PDHX: variants seen among roughly 807,000 people sequenced by gnomAD.
PDHX encodes the protein pyruvate dehydrogenase protein X component, mitochondrial.
Under a neutral mutation model 55.3 loss-of-function variants are expected in PDHX, and 33 were observed. The ratio of observed to expected loss-of-function variants is 0.60; its 90% CI spans 0.45 to 0.80. The LOEUF (loss-of-function observed/expected upper bound fraction) is 0.80. Ranked by LOEUF, PDHX falls within the 30% of genes least tolerant of loss-of-function variation. The probability of loss-of-function intolerance (pLI) is 0.00; values close to 1 mark genes in which losing one functional copy is unlikely to be tolerated. For synonymous variants in PDHX, 226 were observed against 219.4 expected (o/e 1.03, Z -0.27); for missense variants, 622 against 619.9 (o/e 1.00, Z -0.04).
At chr11:34,937,543 G>A (rs1237190268) in intron 2 of PDHX, among the ~76,000 whole-genome samples, 1 of 151,356 alleles carries the variant, frequency 6.6e-6, no homozygotes, top group Non-Finnish European at 1.5e-5. Context: ...AAATGCATAT[G>A]AGGCATTCAA....
intron 4 of PDHX, among the ~76,000 whole-genome samples, chr11:34,957,802 C>T (rs1451702010): frequency 1.3e-5 from 2 of 151,828 alleles, no homozygotes; most frequent in African/African-American, 4.8e-5. Flanking sequence ...TCCAGGTACT[C>T]TAAAAGCCCT....
intron 2 of PDHX, among the ~76,000 whole-genome samples, chr11:34,937,757 C>T (rs1175500165): frequency 1.3e-5 from 2 of 152,154 alleles, no homozygotes; most frequent in African/African-American, 4.8e-5. Flanking sequence ...ATAGAACTTG[C>T]ATTTTCTGGG....
upstream of PDHX, chr11:34,916,400 CG>C: frequency 6.6e-7 from 1 of 1,516,354 alleles, no homozygotes; most frequent in Non-Finnish European, 8.9e-7. Flanking sequence ...GAGGGCAGCC[CG>C]GGGGCGGGGC....
chr11:34,973,765 A>G (rs1855304126), intron 7 of PDHX, among the ~76,000 whole-genome samples: 1 of 152,136 alleles, frequency 6.6e-6, no homozygotes, highest in East Asian at 1.9e-4. Flanking sequence ...ATACATGTTT[A>G]ATGTTTTTTG....
chr11:34,916,744 AG>A lies in PDHX; in HGVS notation c.94del (p.Ala32LeufsTer6). 6.2e-7 allele frequency: 1 copy of A among 1,613,146 alleles called. No individual in the cohort carries two copies. Among genetic ancestry groups the A allele is most frequent in the Non-Finnish European group, 8.5e-7 (1 of 1,179,776 alleles). On this transcript the variant is annotated frameshift_variant, in exon 1 of 11. Coordinates refer to ENST00000227868, the MANE Select transcript of PDHX (RefSeq NM_003477.3). LOFTEE classifies it high-confidence loss of function. Reference protein sequence around the residue: ...FPGRRSVGLVKGALGWSVSRG... With the variant: ...FPGRRSVGLVXGALGWSVSRG... ...GGCCGCCGAAGCGTAGGGCTGGTGA[AG>A]GGGGCTCTTGGGTGGTCTGTAAGCC...
chr11:34,962,257 A>G (rs1290091375), intron 5 of PDHX, among the ~76,000 whole-genome samples: 1 of 152,232 alleles, frequency 6.6e-6, no homozygotes, highest in Non-Finnish European at 1.5e-5. Context: ...TAATCCATGT[A>G]AGAGGTAATG....
chr11:34,995,387 A>G lies in PDHX; in HGVS notation c.*215A>G, dbSNP rs1179205196. On this transcript the variant is annotated 3_prime_UTR_variant, in exon 11 of 11. Transcript: ENST00000227868. The stretch of plus-strand genomic sequence containing the variant: ...TGATAAACTCTAACTAATAAAGGAA[A>G]GAGAATATTTGGTTACTCAGATCCA... The G allele has an allele frequency of 1.9e-6, 1 of 528,412 alleles. No homozygotes were observed. Among genetic ancestry groups the G allele is most frequent in the African/African-American group, 1.9e-5 (1 of 52,238 alleles). 32.7% of individuals were successfully genotyped at this position (528,412 alleles called of 1,614,324 possible). A position where few individuals can be genotyped will look rare whatever the true frequency, so the allele number is the denominator to read the frequency against.
intron 8 of PDHX, among the ~76,000 whole-genome samples, chr11:34,979,943 G>GT (rs1411005188): frequency 3.4e-5 from 5 of 149,002 alleles, no homozygotes; most frequent in South Asian, 2.1e-4. Flanking sequence ...ATATTTTCTA[G>GT]TTTCATAGAA....
At chr11:34,923,635 TC>T (rs11347782) in intron 1 of PDHX, among the ~76,000 whole-genome samples, 28,770 of 152,090 alleles carry the variant, frequency 0.19, 3,885 homozygotes, top group African/African-American at 0.39. Context: ...TTTCCAGTGT[TC>T]CATCAGGTAG....
At position 34,994,976 on chromosome 11, in the gene PDHX, C is replaced by T. The variant is rs1388461670; in HGVS notation, c.1310C>T (p.Ala437Val). The change falls in exon 11 of 11, where the codon GCC becomes GTC. Residue 437 changes from alanine (A) to valine (V), a missense_variant. Ala to Val is a moderately conservative substitution (Grantham distance 64). Transcript: ENST00000227868. ...EFTAVINPPQACILAVGRFRP... is the reference protein window; with the variant it reads ...EFTAVINPPQVCILAVGRFRP... ...ACTGCAGTGATTAACCCTCCTCAGG[C>T]CTGCATTTTGGCGGTTGGGAGGTTC... 1 of 1,613,872 alleles carries T rather than the reference C, an allele frequency of 6.2e-7. No homozygotes were observed. The highest frequency in any genetic ancestry group is 8.5e-7 in the Non-Finnish European group (1 of 1,179,912).
chr11:34,949,713 A>G (rs1273558625), intron 3 of PDHX, among the ~76,000 whole-genome samples: 2 of 152,188 alleles, frequency 1.3e-5, no homozygotes, highest in Non-Finnish European at 2.9e-5. Flanking sequence ...AGGTTCTCTA[A>G]TTTGGCTTCC....
At chr11:34,919,599 C>G (rs1853825827) in intron 1 of PDHX, among the ~76,000 whole-genome samples, 1 of 152,130 alleles carries the variant, frequency 6.6e-6, no homozygotes, top group Non-Finnish European at 1.5e-5. Context: ...AACACCAAGG[C>G]TTAGAGAAAT....
At chr11:34,956,627 G>A (rs772207532) in intron 3 of PDHX, among the ~76,000 whole-genome samples, 6 of 152,002 alleles carry the variant, frequency 3.9e-5, no homozygotes, top group Non-Finnish European at 8.8e-5. Context: ...CTGCTGAAAT[G>A]CTTAAAATAT....
intron 8 of PDHX, among the ~76,000 whole-genome samples, chr11:34,979,237 C>G (rs1249620148): frequency 6.6e-6 from 1 of 152,070 alleles, no homozygotes. Flanking sequence ...GTTAAGGAAT[C>G]TAGAGTTTGG....
intron 7 of PDHX, among the ~76,000 whole-genome samples, chr11:34,972,507 C>T (rs1441400411): frequency 1.3e-5 from 2 of 151,734 alleles, no homozygotes; most frequent in African/African-American, 4.8e-5. Flanking sequence ...AAATGATTCT[C>T]ACGCCTCAGT....
At chr11:34,971,579 A>T (rs901599700) in intron 7 of PDHX, among the ~76,000 whole-genome samples, 1 of 152,146 alleles carries the variant, frequency 6.6e-6, no homozygotes, top group Non-Finnish European at 1.5e-5. Context: ...AATAAGGTGA[A>T]TTACATTGGT....
chr11:34,957,661 T>C, intron 4 of PDHX, 78 bp downstream of exon 4: 2 of 1,122,368 alleles, frequency 1.8e-6, no homozygotes, highest in Non-Finnish European at 2.7e-6. Context: ...ATCATTATCA[T>C]ATTCGCACAT....
At chr11:34,976,825 G>C (rs1855389110) in intron 7 of PDHX, among the ~76,000 whole-genome samples, 1 of 152,094 alleles carries the variant, frequency 6.6e-6, no homozygotes, top group Admixed American at 6.6e-5. Flanking sequence ...GCTGGCAGAT[G>C]GTTTTAGAAG....
chr11:34,970,157 C>T lies in PDHX; in HGVS notation c.835C>T (p.Pro279Ser). The T allele has an allele frequency of 1.2e-6, 2 of 1,613,574 alleles. No individual in the cohort carries two copies. Among genetic ancestry groups the T allele is most frequent in the Non-Finnish European group, 1.7e-6 (2 of 1,179,646 alleles). ...PNAVGTFTEI[P>S]ASNIRRVIAK... is the part of the protein sequence containing the mutation. ...TTTGCAGGGCACATTCACTGAAATCCCCGCCAGCAATATTCGAAGAGTTAT... is the reference window on the plus strand; with the variant it reads ...TTTGCAGGGCACATTCACTGAAATCTCCGCCAGCAATATTCGAAGAGTTAT... Residue 279 changes from proline to serine, a missense_variant, in exon 7 of 11, where the codon CCC becomes TCC. Coordinates refer to ENST00000227868, the MANE Select transcript of PDHX (RefSeq NM_003477.3).
Sources: gnomAD v4.1 joint callset for allele counts (sites outside exome capture counted in the v4.1 genomes callset) on GRCh38, gnomAD v4.1.1 for gene constraint, MANE v1.5 for transcripts, NCBI Gene and HGNC (gene_info 2026-07-23, HGNC 2026-07-21) for gene names.